The following RACK1 variants were observed in gnomAD, a reference collection of about 807,000 sequenced individuals.
The protein encoded by RACK1 is receptor for activated C kinase 1.
RACK1 carries 3 observed loss-of-function variants against 42.2 expected under a neutral mutation model. The ratio of observed to expected loss-of-function variants is 0.07; its 90% CI spans 0.03 to 0.18. The LOEUF is 0.18. Among genes scored for constraint, RACK1 ranks in the 10% least tolerant of loss-of-function variants. The pLI is 1.00. For synonymous variants in RACK1, 181 were observed against 154.8 expected (o/e 1.17, Z -1.25); for missense variants, 146 against 403.2 (o/e 0.36, Z 5.46).
intron 1 of RACK1, 122 bp downstream of exon 1, chr5:181,243,570 C>A: frequency 7.0e-7 from 1 of 1,419,986 alleles, no homozygotes; most frequent in South Asian, 1.4e-5. Context: ...GCAGAGAAGT[C>A]TGTCAGTCCC....
intron 7 of RACK1, chr5:181,237,275 C>T (rs192037584): frequency 2.0e-4 from 156 of 797,098 alleles, no homozygotes; most frequent in African/African-American, 1.8e-3. Context: ...TGTAAGAAAC[C>T]GCTCTCATTT....
chr5:181,237,751 T>G, intron 6 of RACK1, 32 bp from the exon 7 acceptor site: 1 of 1,141,164 alleles, frequency 8.8e-7, no homozygotes, highest in Non-Finnish European at 1.3e-6. Context: ...ACCTTAAGAC[T>G]TACCAATCAA....
At chr5:181,243,559 G>A (rs1759438202) in intron 1 of RACK1, 133 bp downstream of exon 1, 1 of 1,407,786 alleles carries the variant, frequency 7.1e-7, no homozygotes, top group African/African-American at 1.4e-5. Flanking sequence ...TTCACAATGG[G>A]GCAGAGAAGT....
At chr5:181,241,126 A>G (rs1449778698) in intron 3 of RACK1, 3 of 118,474 alleles carry the variant, frequency 2.5e-5, no homozygotes, top group East Asian at 3.3e-4. Flanking sequence ...GTCTCCGAGA[A>G]AAAAAAAAAA....
intron 7 of RACK1, chr5:181,237,247 C>A: frequency 2.1e-6 from 2 of 964,500 alleles, no homozygotes; most frequent in African/African-American, 1.6e-5. Flanking sequence ...TAGGCATGTG[C>A]CACAACGCCG....
chr5:181,237,944 ACAC>A (rs3832359), intron 6 of RACK1, 152 bp downstream of exon 6: 65,689 of 761,912 alleles, frequency 0.086, 6,504 homozygotes, highest in African/African-American at 0.36. Flanking sequence ...ACAGGACTGC[ACAC>A]CACAACAGAG....
intron 1 of RACK1, chr5:181,242,764 G>C: frequency 2.9e-6 from 1 of 348,788 alleles, no homozygotes; most frequent in Non-Finnish European, 5.7e-6. Context: ...TTTCACCATT[G>C]GCCAGGCTAG....
At chr5:181,240,057 T>C (rs1442601050) in intron 3 of RACK1, among the ~76,000 whole-genome samples, 5 of 151,040 alleles carry the variant, frequency 3.3e-5, no homozygotes, top group African/African-American at 1.2e-4. Context: ...CCAAAAAAAA[T>C]ATAATAATAA....
Position 181,243,836 on chromosome 5 carries a change from G to A in RACK1, c.-36C>T. ...AGAGCGTGTGTCGCTGCAGCGACGA[G>A]GATGGCACTGGATGGCTTAGAGAAA... is the stretch of plus-strand genomic sequence containing the variant. On this transcript the variant is annotated 5_prime_UTR_variant, in exon 1 of 8. Coordinates refer to ENST00000512805, the MANE Select transcript of RACK1 (RefSeq NM_006098.5). 6.4e-7 allele frequency: 1 copy of A among 1,562,982 alleles called. No individual in the cohort carries two copies. Among genetic ancestry groups the A allele is most frequent in the Non-Finnish European group, 8.7e-7 (1 of 1,153,540 alleles).
At chr5:181,242,824 G>A in intron 1 of RACK1, 1 of 332,748 alleles carries the variant, frequency 3.0e-6, no homozygotes, top group Non-Finnish European at 5.9e-6. Flanking sequence ...CTTCCAAAGT[G>A]CTGGGATTAT....
At chr5:181,237,112 A>G in intron 7 of RACK1, 70 bp from the exon 8 acceptor site, 1 of 1,601,438 alleles carries the variant, frequency 6.2e-7, no homozygotes, top group South Asian at 1.1e-5. Context: ...ATTCAGCCCA[A>G]GTGGCTTTTT....
In RACK1 at chr5:181,243,548, A is replaced by G. The variant is rs1401601043; in HGVS notation, c.109+144T>C. On this transcript the variant is annotated intron_variant, in intron 1 of 7. Transcript: ENST00000512805. Reference sequence around the variant, plus strand: ...CCTAGGCTCGGGTCCGCACGCCCCAATTCACAATGGGGCAGAGAAGTCTGT... The same window carrying G: ...CCTAGGCTCGGGTCCGCACGCCCCAGTTCACAATGGGGCAGAGAAGTCTGT... 7.4e-5 allele frequency: 102 copies of G among 1,387,524 alleles called. 1 individual carries two copies. In the East Asian group the frequency reaches 2.5e-3, roughly 34 times the overall value. 86.0% of individuals were successfully genotyped at this position (1,387,524 alleles called of 1,614,324 possible). A position where few individuals can be genotyped will look rare whatever the true frequency, so the allele number is the denominator to read the frequency against.
At chr5:181,237,382 G>A (rs1759179560) in intron 7 of RACK1, 3 of 699,232 alleles carry the variant, frequency 4.3e-6, no homozygotes, top group Admixed American at 4.0e-5. Flanking sequence ...GATTAATTAA[G>A]GTATTAATTG....
chr5:181,243,601 G>GAATTC, intron 1 of RACK1, 91 bp downstream of exon 1: 1 of 1,482,768 alleles, frequency 6.7e-7, no homozygotes. Flanking sequence ...CGCGCCACCG[G>GAATTC]CCTGCCACAC....
intron 3 of RACK1, 113 bp downstream of exon 3, chr5:181,241,379 G>C: frequency 1.1e-6 from 1 of 919,268 alleles, no homozygotes; most frequent in Non-Finnish European, 1.6e-6. Flanking sequence ...GCAGTGAGCC[G>C]AGACTGCGCC....
At chr5:181,238,389 T>C in intron 5 of RACK1, 150 bp from the exon 6 acceptor site, 1 of 729,086 alleles carries the variant, frequency 1.4e-6, no homozygotes, top group Non-Finnish European at 2.3e-6. Context: ...AATATTTATC[T>C]CTGTATACCT....
At chr5:181,238,410 G>T (rs193125580) in intron 5 of RACK1, 171 bp from the exon 6 acceptor site, 5 of 631,086 alleles carry the variant, frequency 7.9e-6, no homozygotes, top group Non-Finnish European at 1.4e-5. Context: ...TTCCTTTAAC[G>T]TAAGACCTTA....
In RACK1 at chr5:181,236,941, GTTTT is replaced by G. The variant is rs11445317; in HGVS notation, c.*32_*35del. On this transcript the variant is annotated 3_prime_UTR_variant, in exon 8 of 8. Transcript: ENST00000512805. Reference sequence around the variant, plus strand: ...AAAAACCTAAAAGTCAGAAAAGCCAGTTTTTTTTTTATTTGTAAAGCTCTGCCAT... The same window carrying G: ...AAAAACCTAAAAGTCAGAAAAGCCAGTTTTTTATTTGTAAAGCTCTGCCAT... The G allele has an allele frequency of 3.9e-5, 53 of 1,371,470 alleles. No individual in the cohort carries two copies. Among genetic ancestry groups the G allele is most frequent in the Non-Finnish European group, 4.9e-5 (50 of 1,010,438 alleles). The allele number at this position is 1,371,470 out of a possible 1,614,324, so 85.0% of individuals were successfully genotyped here. A position where few individuals can be genotyped will look rare whatever the true frequency, so the allele number is the denominator to read the frequency against.
At chr5:181,237,353 G>A in intron 7 of RACK1, 1 of 704,088 alleles carries the variant, frequency 1.4e-6, no homozygotes, top group Non-Finnish European at 2.6e-6. Context: ...TAAGGCTCCA[G>A]ACATTTGAAA....
Sources: allele counts gnomAD v4.1 joint callset (sites outside exome capture counted in the v4.1 genomes callset), GRCh38; gene constraint gnomAD v4.1.1; transcripts MANE v1.5; gene names NCBI Gene and HGNC (gene_info 2026-07-23, HGNC 2026-07-21).